AKT1S1: variants seen among roughly 807,000 people sequenced by gnomAD.
AKT1S1 encodes the protein AKT1 substrate 1.
A neutral mutation model predicts 21.2 loss-of-function variants in AKT1S1; 17 were observed. That is an observed-to-expected ratio of 0.80 (90% CI 0.55 to 1.20). AKT1S1 has a LOEUF of 1.20. AKT1S1 is among the 50% of genes most tolerant of loss of function. The pLI, the probability that AKT1S1 is intolerant of heterozygous loss-of-function variation, is 0.00. For missense variants in AKT1S1, 366 were observed against 368.3 expected (o/e 0.99, Z 0.05); for synonymous variants, 181 against 165.6 (o/e 1.09, Z -0.72).
At chr19:49,872,149 C>A (rs113488704) in intron 2 of AKT1S1, among the ~76,000 whole-genome samples, 1 of 152,178 alleles carries the variant, frequency 6.6e-6, no homozygotes, top group African/African-American at 2.4e-5. Flanking sequence ...ACGATCTGTT[C>A]GGGACAATGT....
At chr19:49,875,417 G>A (rs1400377221) in intron 1 of AKT1S1, 1 of 151,278 alleles carries the variant, frequency 6.6e-6, no homozygotes, top group Non-Finnish European at 1.5e-5. Flanking sequence ...AGCTACACAG[G>A]GCACAAGTGG....
At chr19:49,871,486 G>A in intron 4 of AKT1S1, 61 bp downstream of exon 4, 1 of 1,603,398 alleles carries the variant, frequency 6.2e-7, no homozygotes, top group African/African-American at 1.3e-5. Context: ...AGGGCTTCCT[G>A]GAGGAGGCGG....
At chr19:49,877,681 AG>A (rs771089998), upstream of AKT1S1, 4 of 1,591,928 alleles carry the variant, frequency 2.5e-6, 1 homozygote, top group South Asian at 3.4e-5. Context: ...CACGCTGACT[AG>A]GAAAAGGAGG....
Position 49,873,201 on chromosome 19 carries a change from G to C in AKT1S1, c.95C>G (p.Thr32Ser), listed in dbSNP as rs1189382926. The part of the protein sequence containing the change: ...ARTGTELVLL[T>S]AAPPPPPRPG... ...GCGGGGTGGTGGCGGCGGGGCCGCG[G>C]TCAGCAGCACCAGCTCCGTGCCAGT... Residue 32 changes from threonine (T) to serine (S), a missense_variant, in exon 2 of 5, where the codon ACC becomes AGC. Physicochemically the swap from Thr to Ser is moderately conservative, Grantham distance 58. Coordinates refer to ENST00000344175, the MANE Select transcript of AKT1S1 (RefSeq NM_001098633.4). This position sits in a 1 kb window ranked among gnomAD's most constrained non-coding sequence, Gnocchi z 6.9. The C allele has an allele frequency of 1.3e-6, 2 of 1,531,622 alleles. No individual in the cohort carries two copies. The highest frequency in any genetic ancestry group is 1.7e-6 in the Non-Finnish European group (2 of 1,147,202). The allele number at this position is 1,531,622 out of a possible 1,614,324, so 94.9% of individuals were successfully genotyped here.
chr19:49,872,933 G>T lies in AKT1S1; in HGVS notation c.363C>A (p.Gly121=). 6.4e-7 allele frequency: 1 copy of T among 1,562,534 alleles called. No individual in the cohort carries two copies. Residue 121 remains glycine, a synonymous_variant, in exon 2 of 5, where the codon GGC becomes GGA. Transcript: ENST00000344175. The stretch of plus-strand genomic sequence containing the variant: ...CCCTCTCACCTCCATTATCACTAAT[G>T]CCCAGCTGCTCCCCGGAGGTCTCTG... ...TETETSGEQL[G]ISDNGGLFVM...
At chr19:49,878,098 TCCCCTCGCTTGGGCCCCA>T (rs2074974515), upstream of AKT1S1, 3 of 1,484,866 alleles carry the variant, frequency 2.0e-6, no homozygotes, top group East Asian at 7.4e-5. Flanking sequence ...CCCAGGCTGG[TCCCCTCGCTTGGGCCCCA>T]GCCCTCGCTG....
chr19:49,877,787 A>G, upstream of AKT1S1: 1 of 1,565,714 alleles, frequency 6.4e-7, no homozygotes, highest in Non-Finnish European at 8.7e-7. Context: ...TGTATGCGAA[A>G]CGCCCCGTCT....
chr19:49,873,308 G>C lies in AKT1S1; in HGVS notation c.-7-6C>G, dbSNP rs780871327. 2 of 1,474,686 alleles carry C rather than the reference G, an allele frequency of 1.4e-6. No homozygotes were observed. The highest frequency in any genetic ancestry group is 3.0e-5 in the African/African-American group (2 of 67,472). 91.4% of individuals were successfully genotyped at this position (1,474,686 alleles called of 1,614,324 possible). On this transcript the variant is annotated splice_region_variant and splice_polypyrimidine_tract_variant and intron_variant, in intron 1 of 4. Transcript: ENST00000344175. This position sits in a 1 kb window ranked among gnomAD's most constrained non-coding sequence, Gnocchi z 6.9. ...GCCCCGACGCCATCCGCGCCCTGCG[G>C]GCCAGAGCAGGACAGAGGGGGCTGA... is the stretch of plus-strand genomic sequence containing the variant.
At chr19:49,875,921 T>C in intron 1 of AKT1S1, 3 of 985,172 alleles carry the variant, frequency 3.0e-6, no homozygotes, top group Middle Eastern at 1.0e-3. Flanking sequence ...AGCTGAGAGA[T>C]GGAGGAAGAA....
In AKT1S1 at chr19:49,869,951, G is replaced by A; in HGVS notation, c.737C>T (p.Thr246Ile). ...CCGCTTCAGCTTCTGGAAGTCGCTG[G>A]TGTTAAGCCGCGGCCGTGGCAGGTC... The part of the protein sequence containing the change: ...FGDLPRPRLN[T>I]SDFQKLKRKY Residue 246 changes from threonine to isoleucine, a missense_variant, in exon 5 of 5, where the codon ACC (threonine) becomes ATC (isoleucine). Physicochemically the swap from Thr to Ile is moderately conservative, Grantham distance 89 (BLOSUM62 -1). Transcript: ENST00000344175. 6.5e-7 allele frequency: 1 copy of A among 1,539,142 alleles called. No homozygotes were observed. Among genetic ancestry groups the A allele is most frequent in the Non-Finnish European group, 8.8e-7 (1 of 1,138,178 alleles).
chr19:49,874,545 A>C (rs1013635749), intron 1 of AKT1S1: 1 of 152,212 alleles, frequency 6.6e-6, no homozygotes. Flanking sequence ...GAATTCCCCC[A>C]AGGTCAGGGA....
chr19:49,870,640 A>G (rs1307472315), intron 4 of AKT1S1, among the ~76,000 whole-genome samples: 2 of 152,134 alleles, frequency 1.3e-5, no homozygotes, highest in African/African-American at 4.8e-5. Flanking sequence ...CCTCCACTAC[A>G]GCCCCCGTCA....
upstream of AKT1S1, chr19:49,878,117 G>T: frequency 1.3e-6 from 2 of 1,552,518 alleles, no homozygotes; most frequent in South Asian, 1.2e-5. Flanking sequence ...TTGGGCCCCA[G>T]CCCTCGCTGG....
chr19:49,871,433 A>G, intron 4 of AKT1S1, 114 bp downstream of exon 4: 1 of 1,393,656 alleles, frequency 7.2e-7, no homozygotes, highest in Non-Finnish European at 1.0e-6. Flanking sequence ...GGTTGAGGGG[A>G]GGATTCAGTT....
chr19:49,878,230 G>A (rs2074977348), upstream of AKT1S1: 1 of 1,558,610 alleles, frequency 6.4e-7, no homozygotes, highest in South Asian at 1.2e-5. Context: ...TGTCATCCGT[G>A]TCGTGGAAAA....
chr19:49,871,915 C>T lies in AKT1S1; in HGVS notation c.380-26G>A, dbSNP rs192819890. The stretch of plus-strand genomic sequence containing the variant: ...CTGTGGATGACCTGAGTTAGAGGCC[C>T]AGGCCAGGCAGCACCTAGCCATGCT... On this transcript the variant is annotated intron_variant, in intron 2 of 4. Transcript: ENST00000344175. 2,252 of 1,611,020 alleles carry T rather than the reference C, an allele frequency of 1.4e-3. 4 individuals are homozygous for T. Among genetic ancestry groups the T allele is most frequent in the Non-Finnish European group, 1.8e-3 (2,127 of 1,177,746 alleles).
At position 49,876,682 on chromosome 19, in the gene AKT1S1, A is replaced by T. The variant is rs780079786; in HGVS notation, c.-8+555T>A. 2.0e-5 allele frequency: 30 copies of T among 1,467,170 alleles called. 1 individual carries two copies. The highest frequency in any genetic ancestry group is 2.7e-6 in the Non-Finnish European group (3 of 1,104,702). The allele number at this position is 1,467,170 out of a possible 1,614,324, so 90.9% of individuals were successfully genotyped here. A position where few individuals can be genotyped will look rare whatever the true frequency, so the allele number is the denominator to read the frequency against. ...GCGGCGCCTTGCGTCACGTCCGCGC[A>T]GTTGCCCCGCCTCCTCTCCGCACAC... On this transcript the variant is annotated intron_variant, in intron 1 of 4. Transcript: ENST00000344175.
chr19:49,877,597 C>T, upstream of AKT1S1: 1 of 999,722 alleles, frequency 1.0e-6, no homozygotes. Context: ...GTTTCACCCG[C>T]TCCTTCTCTA....
Position 49,872,986 on chromosome 19 carries a change from C to G in AKT1S1, c.310G>C (p.Glu104Gln), listed in dbSNP as rs571029345. Residue 104 changes from glutamate (E) to glutamine (Q), a missense_variant, in exon 2 of 5, where the codon GAG (glutamate) becomes CAG (glutamine). Transcript: ENST00000344175. ...TCTGTGGGCTCATCCTCGTCCTCCT[C>G]GTTGTCCTCTCTGGCCAGGGTAGGC... is the stretch of plus-strand genomic sequence containing the variant. Reference protein sequence around the residue: ...PRPTLAREDNEEDEDEPTETE... With the variant: ...PRPTLAREDNQEDEDEPTETE... The G allele has an allele frequency of 6.3e-7, 1 of 1,596,652 alleles. No homozygotes were observed. Among genetic ancestry groups the G allele is most frequent in the Admixed American group, 1.7e-5 (1 of 58,092 alleles).
Sources: allele counts gnomAD v4.1 joint callset (sites outside exome capture counted in the v4.1 genomes callset), GRCh38; gene constraint gnomAD v4.1.1; non-coding constraint Gnocchi (gnomAD v3.1); transcripts MANE v1.5; gene names NCBI Gene and HGNC (gene_info 2026-07-23, HGNC 2026-07-21).